ZNF469: variants seen among roughly 807,000 people sequenced by gnomAD.
ZNF469 encodes the protein zinc finger protein 469.
Under a neutral mutation model 1.0 loss-of-function variants are expected in ZNF469, and 1 was observed. The ratio of observed to expected loss-of-function variants is 1.00; its 90% confidence interval spans 0.35 to 4.73. The LOEUF (loss-of-function observed/expected upper bound fraction) is 4.73. ZNF469 is among the 30% of genes most tolerant of loss of function. The pLI is 0.16. For missense variants in ZNF469, 6,100 were observed against 5,356.3 expected (o/e 1.14, Z -4.33); for synonymous variants, 2,703 against 2,363.4 (o/e 1.14, Z -4.17).
chr16:88,284,379 G>C, the ZNF469 span, among the ~76,000 whole-genome samples: 1 of 152,170 alleles, frequency 6.6e-6, no homozygotes, highest in Non-Finnish European at 1.5e-5. Flanking sequence ...GGATCCTGGG[G>C]CATCCCAAGA....
the ZNF469 span, among the ~76,000 whole-genome samples, chr16:88,107,464 C>A: frequency 2.6e-5 from 4 of 152,244 alleles, no homozygotes; most frequent in Admixed American, 2.6e-4. Flanking sequence ...CATGGAGGAA[C>A]TGCCCCGTGA....
chr16:88,389,778 T>C (rs368801411), intron 1 of ZNF469, among the ~76,000 whole-genome samples: 2 of 152,254 alleles, frequency 1.3e-5, no homozygotes, highest in Non-Finnish European at 2.9e-5. Context: ...TGAGTGGCCA[T>C]GGGGACCTCA....
At chr16:88,207,450 G>C in the ZNF469 span, among the ~76,000 whole-genome samples, 5,633 of 63,834 alleles carry the variant, frequency 0.088, 2,125 homozygotes, top group African/African-American at 0.22. Context: ...TGCGCCTCCT[G>C]GTTCCCTGGC....
At chr16:88,275,036 G>C in the ZNF469 span, among the ~76,000 whole-genome samples, 1 of 152,242 alleles carries the variant, frequency 6.6e-6, no homozygotes, top group Admixed American at 6.5e-5. Context: ...GTGGGAGGGG[G>C]TTTCCGGGAA....
the ZNF469 span, among the ~76,000 whole-genome samples, chr16:88,354,088 A>C: frequency 1.3e-5 from 2 of 152,338 alleles, no homozygotes; most frequent in South Asian, 4.1e-4. Flanking sequence ...CACTGGGGAC[A>C]GTTTCACAAA....
chr16:88,183,734 A>G, the ZNF469 span, among the ~76,000 whole-genome samples: 1 of 152,150 alleles, frequency 6.6e-6, no homozygotes, highest in Non-Finnish European at 1.5e-5. Context: ...GGTGAGCCTT[A>G]TGTGTGTACG....
chr16:88,291,734 A>C, the ZNF469 span, among the ~76,000 whole-genome samples: 2 of 151,978 alleles, frequency 1.3e-5, no homozygotes, highest in African/African-American at 2.4e-5. Flanking sequence ...GGTGAATATC[A>C]GCAGAAAGGA....
the ZNF469 span, among the ~76,000 whole-genome samples, chr16:88,136,729 T>A: frequency 3.9e-5 from 6 of 152,266 alleles, no homozygotes; most frequent in Non-Finnish European, 1.5e-5. Flanking sequence ...TGTCCCCAGC[T>A]GCCATCCTGC....
the ZNF469 span, among the ~76,000 whole-genome samples, chr16:88,294,372 A>G: frequency 1.8e-4 from 28 of 152,218 alleles, no homozygotes; most frequent in African/African-American, 6.7e-4. Flanking sequence ...ATACCTGCCT[A>G]GTGCTGTCTT....
At chr16:88,244,572 CATGGATGG>C in the ZNF469 span, among the ~76,000 whole-genome samples, 11 of 135,700 alleles carry the variant, frequency 8.1e-5, no homozygotes, top group Non-Finnish European at 1.6e-4. Flanking sequence ...TGGATGGATG[CATGGATGG>C]ATGGATGGAT....
the ZNF469 span, among the ~76,000 whole-genome samples, chr16:88,366,757 CCAT>C: frequency 6.6e-6 from 1 of 151,438 alleles, no homozygotes; most frequent in African/African-American, 2.4e-5. Context: ...ATCACTATCA[CCAT>C]CATCACCGCC....
chr16:88,152,555 G>GC, the ZNF469 span, among the ~76,000 whole-genome samples: 1 of 152,158 alleles, frequency 6.6e-6, no homozygotes, highest in Non-Finnish European at 1.5e-5. The surrounding 1 kb of genome is among the most constrained non-coding windows in gnomAD (Gnocchi z 4.2). Flanking sequence ...CTTCTGTTGA[G>GC]CCCCCCTGTG....
At chr16:88,129,707 A>G in the ZNF469 span, among the ~76,000 whole-genome samples, 2 of 152,318 alleles carry the variant, frequency 1.3e-5, no homozygotes, top group African/African-American at 2.4e-5. Flanking sequence ...ACAAAAAAAT[A>G]TAAAAAGCCA....
chr16:88,430,125 T>A lies in ZNF469; in HGVS notation c.2655T>A (p.Leu885=). 1 of 1,549,874 alleles carries A rather than the reference T, an allele frequency of 6.5e-7. No homozygotes were observed. The highest frequency in any genetic ancestry group is 8.7e-7 in the Non-Finnish European group (1 of 1,146,862). ...GPRGPSSGHP[L]KSKAGVTPES... is the part of the protein sequence containing the mutation. ...GAGGTCCCAGCTCCGGACACCCCCT[T>A]AAGAGCAAGGCGGGGGTGACTCCAG... The change falls in exon 3 of 3, where the codon CTT becomes CTA. Residue 885 remains leucine (L), a synonymous_variant. Transcript: ENST00000565624.
the ZNF469 span, among the ~76,000 whole-genome samples, chr16:88,368,658 G>C: frequency 3.9e-5 from 6 of 151,970 alleles, no homozygotes; most frequent in African/African-American, 1.5e-4. Context: ...CCTGGAGAGA[G>C]AGTGGCCTGG....
Position 88,430,019 on chromosome 16 carries a change from G to T in ZNF469, c.2549G>T (p.Gly850Val), listed in dbSNP as rs910208446. The T allele has an allele frequency of 6.5e-7, 1 of 1,550,252 alleles. No individual in the cohort carries two copies. The highest frequency in any genetic ancestry group is 1.4e-5 in the African/African-American group (1 of 73,054). The change falls in exon 3 of 3, where the codon GGC becomes GTC. Residue 850 changes from glycine to valine, a missense_variant. Physicochemically the swap from Gly to Val is moderately radical, Grantham distance 109. Coordinates refer to ENST00000565624, the MANE Select transcript of ZNF469 (RefSeq NM_001367624.2). ...LDSLITEALN[G>V]MEYQSDNPEI... ...AGCCTCATCACAGAGGCGCTCAACG[G>T]CATGGAGTACCAGTCGGACAACCCG...
At position 88,431,609 on chromosome 16, in the gene ZNF469, A is replaced by G; in HGVS notation, c.4139A>G (p.His1380Arg). 2 of 1,550,426 alleles carry G rather than the reference A, an allele frequency of 1.3e-6. No individual in the cohort carries two copies. The highest frequency in any genetic ancestry group is 1.7e-6 in the Non-Finnish European group (2 of 1,146,982). The change falls in exon 3 of 3, where the codon CAC becomes CGC. Residue 1380 changes from histidine to arginine, a missense_variant. Coordinates refer to ENST00000565624, the MANE Select transcript of ZNF469 (RefSeq NM_001367624.2). Reference sequence around the variant, plus strand: ...GGGCCTCAGCCCTACAGCAGCCCCCACAGTGAGTTGTTCCTCGGACCCAAA... The same window carrying G: ...GGGCCTCAGCCCTACAGCAGCCCCCGCAGTGAGTTGTTCCTCGGACCCAAA... ...KKGPQPYSSPHSELFLGPKDL... is the reference protein window; with the variant it reads ...KKGPQPYSSPRSELFLGPKDL...
At chr16:88,267,438 G>A in the ZNF469 span, among the ~76,000 whole-genome samples, 19 of 152,372 alleles carry the variant, frequency 1.2e-4, no homozygotes, top group African/African-American at 3.6e-4. Context: ...CCGTTCAGAC[G>A]TGGTGAGGAG....
the ZNF469 span, among the ~76,000 whole-genome samples, chr16:88,256,904 T>TCTCTC: frequency 8.0e-3 from 127 of 15,858 alleles, 8 homozygotes; most frequent in African/African-American, 0.024. Context: ...CCTTCTTTCT[T>TCTCTC]TCTTTCTTTC....
Sources: gnomAD v4.1 joint callset for allele counts (sites outside exome capture counted in the v4.1 genomes callset) on GRCh38, gnomAD v4.1.1 for gene constraint, Gnocchi (gnomAD v3.1) non-coding constraint, MANE v1.5 for transcripts, NCBI Gene and HGNC (gene_info 2026-07-23, HGNC 2026-07-21) for gene names.